CAMK2D: variants seen among roughly 807,000 people sequenced by gnomAD.
CAMK2D encodes calcium/calmodulin-dependent protein kinase type II subunit delta.
CAMK2D carries 37 observed loss-of-function variants against 84.0 expected under a neutral mutation model. The observed-to-expected ratio is 0.44, with a 90% CI of 0.34 to 0.58. The LOEUF (loss-of-function observed/expected upper bound fraction) is 0.58, where lower values mean the gene tolerates loss of function less well. Among genes scored for constraint, CAMK2D ranks in the 20% least tolerant of loss-of-function variants. The pLI is 0.02. For missense variants in CAMK2D, 448 were observed against 652.5 expected (o/e 0.69, Z 3.41); for synonymous variants, 202 against 212.5 (o/e 0.95, Z 0.43).
At chr4:113,500,584 T>G in intron 15 of CAMK2D, 73 bp from the exon 16 acceptor site, 2 of 957,178 alleles carry the variant, frequency 2.1e-6, no homozygotes, top group South Asian at 2.9e-5. Context: ...AATTGGCTAG[T>G]GACATACATA....
chr4:113,502,459 CA>C (rs201097741), intron 15 of CAMK2D, among the ~76,000 whole-genome samples: 8,800 of 73,666 alleles, frequency 0.12, 547 homozygotes, highest in East Asian at 0.33. Flanking sequence ...AACCAAAAAC[CA>C]AAAAAAAAAA....
intron 4 of CAMK2D, among the ~76,000 whole-genome samples, chr4:113,589,202 T>C (rs1201871967): frequency 6.6e-6 from 1 of 151,974 alleles, no homozygotes; most frequent in Admixed American, 6.6e-5. Context: ...GCTCTTGGAA[T>C]TTGATAGGAA....
At chr4:113,650,927 T>C (rs2099170119) in intron 3 of CAMK2D, among the ~76,000 whole-genome samples, 1 of 152,210 alleles carries the variant, frequency 6.6e-6, no homozygotes, top group Non-Finnish European at 1.5e-5. Flanking sequence ...CATACTGTTA[T>C]CTTCTTTGGT....
chr4:113,731,720 G>A (rs1202348145), intron 2 of CAMK2D, among the ~76,000 whole-genome samples: 1 of 151,818 alleles, frequency 6.6e-6, no homozygotes, highest in Non-Finnish European at 1.5e-5. Context: ...TGAGTAGGTG[G>A]GACTACAGGC....
intron 2 of CAMK2D, among the ~76,000 whole-genome samples, chr4:113,702,883 A>G (rs1026497541): frequency 1.3e-5 from 2 of 152,042 alleles, no homozygotes; most frequent in Admixed American, 1.3e-4. Context: ...TGGGTGACAG[A>G]ACGAGACTCT....
intron 3 of CAMK2D, among the ~76,000 whole-genome samples, chr4:113,629,785 T>TA (rs75795050): frequency 0.052 from 6,919 of 132,590 alleles, 190 homozygotes; most frequent in East Asian, 0.13. Flanking sequence ...ATGTTCTTGG[T>TA]AAAAAAAAAA....
At chr4:113,747,593 G>A (rs560287810) in intron 2 of CAMK2D, among the ~76,000 whole-genome samples, 1 of 151,990 alleles carries the variant, frequency 6.6e-6, no homozygotes, top group African/African-American at 2.4e-5. Flanking sequence ...GCAACTATAG[G>A]AACTACCTTT....
At chr4:113,757,376 T>C (rs1161367996) in intron 2 of CAMK2D, among the ~76,000 whole-genome samples, 1 of 152,114 alleles carries the variant, frequency 6.6e-6, no homozygotes, top group Non-Finnish European at 1.5e-5. Flanking sequence ...ATTACTGCTA[T>C]TTTACAGATG....
intron 2 of CAMK2D, among the ~76,000 whole-genome samples, chr4:113,741,784 C>T (rs1208973318): frequency 1.3e-5 from 2 of 152,178 alleles, no homozygotes; most frequent in Non-Finnish European, 2.9e-5. Flanking sequence ...CTGCCTACCT[C>T]CCAACATCAT....
rs1458643309 is a variant in CAMK2D at position 113,507,239 on chromosome 4, A to C, written c.985-2204T>G. On this transcript the variant is annotated intron_variant, in intron 13 of 20. Coordinates refer to ENST00000511664, the MANE Select transcript of CAMK2D (RefSeq NM_001321571.2). ...AAGAGTCAAATATAAGTATAGGTTC[A>C]ACCACAAATGTCTTTTTTTTTTTTC... Among the ~76,000 whole-genome samples, 4 of 151,940 alleles carry C rather than the reference A, an allele frequency of 2.6e-5. No homozygotes were observed. The East Asian group carries it at 7.7e-4, about 29-fold the overall frequency.
intron 2 of CAMK2D, among the ~76,000 whole-genome samples, chr4:113,705,077 C>T (rs746722037): frequency 8.6e-5 from 13 of 151,226 alleles, no homozygotes; most frequent in Non-Finnish European, 1.6e-4. Flanking sequence ...CACGGTGGCT[C>T]ACGCCTGTAA....
intron 16 of CAMK2D, among the ~76,000 whole-genome samples, chr4:113,482,791 A>C (rs1327140224): frequency 6.6e-6 from 1 of 152,268 alleles, no homozygotes; most frequent in African/African-American, 2.4e-5. Context: ...CATATTGCAA[A>C]GAATTTCCTT....
intron 16 of CAMK2D, among the ~76,000 whole-genome samples, chr4:113,473,041 A>T (rs2097565338): frequency 6.6e-6 from 1 of 152,090 alleles, no homozygotes; most frequent in African/African-American, 2.4e-5. Flanking sequence ...CAATTCACTG[A>T]TCTATGTTCC....
At chr4:113,517,437 AG>A (rs1257585707) in intron 9 of CAMK2D, 125 bp downstream of exon 9, 1 of 484,718 alleles carries the variant, frequency 2.1e-6, no homozygotes, top group East Asian at 2.8e-5. Context: ...TTTCCTTAAG[AG>A]AGAGGGAAAT....
At chr4:113,691,110 C>G (rs2099385794) in intron 2 of CAMK2D, among the ~76,000 whole-genome samples, 1 of 152,186 alleles carries the variant, frequency 6.6e-6, no homozygotes, top group Non-Finnish European at 1.5e-5. Flanking sequence ...GAATCCATGA[C>G]AGCAATTCAC....
intron 6 of CAMK2D, among the ~76,000 whole-genome samples, chr4:113,543,781 T>TTTA (rs2098547583): frequency 6.8e-6 from 1 of 147,842 alleles, no homozygotes; most frequent in Non-Finnish European, 1.5e-5. Flanking sequence ...TATTTATTTA[T>TTTA]TTATTTATTT....
At chr4:113,480,286 A>G (rs370893704) in intron 16 of CAMK2D, among the ~76,000 whole-genome samples, 1 of 151,988 alleles carries the variant, frequency 6.6e-6, no homozygotes, top group African/African-American at 2.4e-5. Flanking sequence ...TATTATCCCT[A>G]TTGTACATAT....
intron 3 of CAMK2D, among the ~76,000 whole-genome samples, chr4:113,610,251 C>A (rs2098994507): frequency 6.6e-6 from 1 of 152,066 alleles, no homozygotes; most frequent in African/African-American, 2.4e-5. Context: ...TCCTGTGTAT[C>A]CAAATCACTT....
intron 4 of CAMK2D, among the ~76,000 whole-genome samples, chr4:113,567,724 A>C (rs147178924): frequency 8.5e-5 from 13 of 152,328 alleles, no homozygotes; most frequent in Non-Finnish European, 1.8e-4. Flanking sequence ...CAGAAGAATA[A>C]CTTAACTTCT....
Sources: gnomAD v4.1 joint callset for allele counts (sites outside exome capture counted in the v4.1 genomes callset) on GRCh38, gnomAD v4.1.1 for gene constraint, MANE v1.5 for transcripts, NCBI Gene and HGNC (gene_info 2026-07-23, HGNC 2026-07-21) for gene names.